Variants in EDN2 observed in about 807,000 individuals in gnomAD.
The protein encoded by EDN2 is endothelin 2, also known as endothelin-2.
Under a neutral mutation model 19.9 loss-of-function variants are expected in EDN2, and 10 were observed. The observed-to-expected ratio is 0.50, with a 90% CI of 0.31 to 0.85. EDN2 has a LOEUF of 0.85. Among genes scored for constraint, EDN2 ranks in the 40% least tolerant of loss-of-function variants. EDN2 has a pLI of 0.05. For missense variants in EDN2, 222 were observed against 239.3 expected (o/e 0.93, Z 0.48); for synonymous variants, 84 against 94.9 (o/e 0.89, Z 0.67).
intron 3 of EDN2, 26 bp downstream of exon 3, chr1:41,482,440 C>A: frequency 6.3e-7 from 1 of 1,589,788 alleles, no homozygotes; most frequent in African/African-American, 1.4e-5. Flanking sequence ...CTACCCTATG[C>A]CCCTGCAGGC....
intron 1 of EDN2, 143 bp from the exon 2 acceptor site, chr1:41,484,346 A>G: frequency 7.6e-7 from 1 of 1,321,098 alleles, no homozygotes; most frequent in Non-Finnish European, 1.0e-6. Flanking sequence ...AGGCCAGCCC[A>G]GGGAAGTCCC....
At chr1:41,483,184 G>C (rs567982606) in intron 2 of EDN2, 1 of 152,286 alleles carries the variant, frequency 6.6e-6, no homozygotes, top group Non-Finnish European at 1.5e-5. Context: ...CTGATCAAGC[G>C]GGCCAGGGGA....
Position 41,483,578 on chromosome 1 carries a change from G to T in EDN2, c.221+469C>A, listed in dbSNP as rs958062630. Among the ~76,000 whole-genome samples, 11 of 152,196 alleles carry T rather than the reference G, an allele frequency of 7.2e-5. No homozygotes were observed. The South Asian group carries it at 1.7e-3, about 23-fold the overall frequency. On this transcript the variant is annotated intron_variant, in intron 2 of 4. Transcript: ENST00000372587. ...TCCTGCCTTATGGGGAGGATGGGGG[G>T]GCTCCTGAGATGATCATGCACGTGC...
rs11572356 is a variant in EDN2 at position 41,482,349 on chromosome 1, G to A, written c.344+117C>T. ...AAAGCAGCCTGTGGGCCCCTGGGTCGCTTCTCACCCCCAACTTGCCAGTTC... is the reference window on the plus strand; with the variant it reads ...AAAGCAGCCTGTGGGCCCCTGGGTCACTTCTCACCCCCAACTTGCCAGTTC... On this transcript the variant is annotated intron_variant, in intron 3 of 4. Coordinates refer to ENST00000372587, the MANE Select transcript of EDN2 (RefSeq NM_001956.5). 3.2e-3 allele frequency: 4,101 copies of A among 1,268,676 alleles called. 118 individuals are homozygous for A. In the African/African-American group the frequency reaches 0.057, roughly 18 times the overall value. The allele number at this position is 1,268,676 out of a possible 1,614,324, so 78.6% of individuals were successfully genotyped here.
At chr1:41,480,599 C>T (rs1251194334) in intron 4 of EDN2, 1 of 408,758 alleles carries the variant, frequency 2.4e-6, no homozygotes, top group African/African-American at 2.0e-5. Context: ...GAGGCTGCCC[C>T]TACAGCCACT....
At chr1:41,482,637 G>C (rs920165897) in intron 2 of EDN2, 49 bp from the exon 3 acceptor site, 2 of 1,509,394 alleles carry the variant, frequency 1.3e-6, no homozygotes, top group African/African-American at 1.5e-5. Context: ...GAGAGAAAGA[G>C]AGAGAGAGAA....
chr1:41,483,572 T>TG (rs539373746), intron 2 of EDN2, among the ~76,000 whole-genome samples: 246 of 152,124 alleles, frequency 1.6e-3, no homozygotes, highest in African/African-American at 5.1e-3. Context: ...ATGGGGAGGA[T>TG]GGGGGGGCTC....
Position 41,484,615 on chromosome 1 carries a change from C to T in EDN2, c.-14G>A, listed in dbSNP as rs1200502144. Reference sequence around the variant, plus strand: ...CACGGAGACCATAGCGGCGGTGGAGCGCGCAGGCTGGACTGGAGCAGGGAG... The same window carrying T: ...CACGGAGACCATAGCGGCGGTGGAGTGCGCAGGCTGGACTGGAGCAGGGAG... On this transcript the variant is annotated 5_prime_UTR_variant, in exon 1 of 5. Transcript: ENST00000372587. 22 of 1,553,926 alleles carry T rather than the reference C, an allele frequency of 1.4e-5. No homozygotes were observed. The highest frequency in any genetic ancestry group is 1.2e-4 in the Admixed American group (6 of 51,448).
In EDN2 at chr1:41,479,041, G is replaced by A. The variant is rs1644223320; in HGVS notation, c.*368C>T. On this transcript the variant is annotated 3_prime_UTR_variant, in exon 5 of 5. Coordinates refer to ENST00000372587, the MANE Select transcript of EDN2 (RefSeq NM_001956.5). ...CAGCCTCCAGGGCTGGCTGAGGCAT[G>A]CGTGTTCGTGGCTGCACGGTTGCTC... 3 of 357,750 alleles carry A rather than the reference G, an allele frequency of 8.4e-6. No homozygotes were observed. The Admixed American group carries it at 1.1e-4, about 13-fold the overall frequency. The allele number at this position is 357,750 out of a possible 1,614,324, so 22.2% of individuals were successfully genotyped here.
rs760106384 is a variant in EDN2, at chr1:41,479,500, T to C, written c.446A>G (p.Asp149Gly). 1.1e-5 allele frequency: 17 copies of C among 1,613,800 alleles called. No homozygotes were observed. Among genetic ancestry groups the C allele is most frequent in the Admixed American group, 1.0e-4 (6 of 60,006 alleles). The change falls in exon 5 of 5, where the codon GAC (aspartate) becomes GGC (glycine). Residue 149 changes from aspartate to glycine, a missense_variant and splice_region_variant. By Grantham distance (94) the Asp-to-Gly change is moderately conservative. Transcript: ENST00000372587. ...TTGELLQRLR[D>G]ISTVKSLFAK... is the part of the protein sequence containing the mutation. ...AAAGAGGCTCTTGACTGTGGAAATG[T>C]CCCTGGGAATCAAGAAGGGTCAACT...
In EDN2 at chr1:41,482,767, T is replaced by C. The variant is rs1442251364; in HGVS notation, c.222-179A>G. ...GTGCCAATGAAAGGTGACCAGCCCT[T>C]GACCTCAAGAAGTCACACCACTGAA... On this transcript the variant is annotated intron_variant, in intron 2 of 4. Transcript: ENST00000372587. 1.7e-5 allele frequency: 13 copies of C among 753,876 alleles called. No individual in the cohort carries two copies. The African/African-American group carries it at 1.9e-4, about 11-fold the overall frequency. The allele number at this position is 753,876 out of a possible 1,614,324, so 46.7% of individuals were successfully genotyped here.
intron 3 of EDN2, 138 bp downstream of exon 3, chr1:41,482,328 C>T: frequency 9.4e-7 from 1 of 1,065,150 alleles, no homozygotes; most frequent in Non-Finnish European, 1.2e-6. Context: ...GGACCCAAAG[C>T]AGCCTGTGGG....
intron 4 of EDN2, chr1:41,480,554 G>T (rs1174096031): frequency 5.5e-6 from 2 of 362,638 alleles, no homozygotes; most frequent in African/African-American, 2.1e-5. Context: ...CTTGTACCAG[G>T]CTGGGCTGGG....
Position 41,484,042 on chromosome 1 carries a change from C to T in EDN2, c.221+5G>A. ...CCCCTGCCCCCAATCCCCATGGATG[C>T]TCACTCAGGAGTGTTCACCCAGATG... On this transcript the variant is annotated splice_donor_5th_base_variant and intron_variant, in intron 2 of 4. Coordinates refer to ENST00000372587, the MANE Select transcript of EDN2 (RefSeq NM_001956.5). The T allele has an allele frequency of 6.3e-7, 1 of 1,594,944 alleles. No individual in the cohort carries two copies. The highest frequency in any genetic ancestry group is 8.5e-7 in the Non-Finnish European group (1 of 1,169,902).
In EDN2 at chr1:41,478,900, G is replaced by C. The variant is rs908590198; in HGVS notation, c.*509C>G. On this transcript the variant is annotated 3_prime_UTR_variant, in exon 5 of 5. Transcript: ENST00000372587. ...AATAAGTTATATACAGACAGGAAAAGCAGAGCAGGCCCTTCTCACTGGGAG... is the reference window on the plus strand; with the variant it reads ...AATAAGTTATATACAGACAGGAAAACCAGAGCAGGCCCTTCTCACTGGGAG... 9.7e-5 allele frequency: 23 copies of C among 237,980 alleles called. No homozygotes were observed. The South Asian group carries it at 1.5e-3, about 16-fold the overall frequency. The allele number at this position is 237,980 out of a possible 1,614,324, so 14.7% of individuals were successfully genotyped here. A position where few individuals can be genotyped will look rare whatever the true frequency, so the allele number is the denominator to read the frequency against.
chr1:41,480,994 G>T, intron 4 of EDN2, 101 bp downstream of exon 4: 2 of 978,484 alleles, frequency 2.0e-6, no homozygotes, highest in East Asian at 2.5e-5. Flanking sequence ...AGTTCTCTTT[G>T]CTGCCCAATG....
intron 2 of EDN2, chr1:41,483,766 G>A (rs917192238): frequency 1.3e-4 from 42 of 329,112 alleles, no homozygotes; most frequent in African/African-American, 8.7e-4. Context: ...GATCTTGGGG[G>A]AGGCGCTTAA....
At chr1:41,479,803 C>T (rs1299322627) in intron 4 of EDN2, among the ~76,000 whole-genome samples, 1 of 152,216 alleles carries the variant, frequency 6.6e-6, no homozygotes, top group Admixed American at 6.5e-5. Flanking sequence ...TCTGCCTTCC[C>T]ACTTCTTTCC....
chr1:41,480,397 T>C (rs1430236470), intron 4 of EDN2, among the ~76,000 whole-genome samples: 3 of 151,954 alleles, frequency 2.0e-5, no homozygotes, highest in Non-Finnish European at 2.9e-5. Flanking sequence ...GCACAGACCC[T>C]GGTCTACACA....
Sources: allele counts gnomAD v4.1 joint callset (sites outside exome capture counted in the v4.1 genomes callset), GRCh38; gene constraint gnomAD v4.1.1; transcripts MANE v1.5; gene names NCBI Gene and HGNC (gene_info 2026-07-23, HGNC 2026-07-21).